The following ITPR2 variants were observed in gnomAD, a reference collection of about 807,000 sequenced individuals.
The protein encoded by ITPR2 is inositol 1,4,5-trisphosphate-gated calcium channel ITPR2.
A neutral mutation model predicts 317.1 loss-of-function variants in ITPR2; 207 were observed. That is an observed-to-expected ratio of 0.65 (90% CI 0.58 to 0.73). The LOEUF is 0.73. Ranked by LOEUF, ITPR2 falls within the 30% of genes least tolerant of loss-of-function variation. ITPR2 has a pLI of 0.00. For synonymous variants in ITPR2, 1,156 were observed against 1,149.1 expected, an observed-to-expected ratio of 1.01 and a Z score of -0.12; for missense variants, 2,613 against 3,284.0, an observed-to-expected ratio of 0.80 and a Z score of 4.99.
chr12:26,595,959 G>T (rs1045812481), intron 31 of ITPR2, among the ~76,000 whole-genome samples: 1 of 151,842 alleles, frequency 6.6e-6, no homozygotes, highest in Non-Finnish European at 1.5e-5. Flanking sequence ...CAGTAGAAAA[G>T]AAAGACATTA....
intron 46 of ITPR2, among the ~76,000 whole-genome samples, chr12:26,443,072 T>C (rs1199687057): frequency 1.3e-5 from 2 of 152,134 alleles, no homozygotes; most frequent in Non-Finnish European, 2.9e-5. Flanking sequence ...AAGTGCTGCA[T>C]ACTGAAAATG....
rs1942394224 is a variant in ITPR2, at chr12:26,475,414, T to A, written c.6224A>T (p.Asp2075Val). ...LFNMRPRELVDVMKNAYNQGL... is the reference protein window; with the variant it reads ...LFNMRPRELVVVMKNAYNQGL... ...TTGGTTATAGGCATTCTTCATCACA[T>A]CCACCTATCCAAAAAAAAAAAGAAT... The change falls in exon 45 of 57, where the codon GAT becomes GTT. Residue 2075 changes from aspartate to valine, a missense_variant. By Grantham distance (152) the Asp-to-Val change is radical (BLOSUM62 -3). Around this residue, in one of 9 missense-constraint regions of ITPR2, gnomAD observed 926 missense variants for 1,072.8 expected, o/e 0.86. Coordinates refer to ENST00000381340, the MANE Select transcript of ITPR2 (RefSeq NM_002223.4). The A allele has an allele frequency of 1.9e-6, 3 of 1,604,240 alleles. No homozygotes were observed. The highest frequency in any genetic ancestry group is 1.7e-6 in the Non-Finnish European group (2 of 1,177,260).
chr12:26,535,075 G>A (rs527490024), intron 37 of ITPR2, among the ~76,000 whole-genome samples: 6 of 152,208 alleles, frequency 3.9e-5, no homozygotes, highest in South Asian at 2.1e-4. Flanking sequence ...ATGAGGTGGT[G>A]GATATGCTGA....
intron 40 of ITPR2, 61 bp from the exon 41 acceptor site, chr12:26,486,421 A>AC: frequency 1.4e-6 from 2 of 1,380,334 alleles, no homozygotes; most frequent in South Asian, 1.4e-5. Flanking sequence ...ATTAAAAAAA[A>AC]AAAAACAAAC....
chr12:26,384,263 C>G (rs1939601709), intron 55 of ITPR2, among the ~76,000 whole-genome samples: 1 of 152,208 alleles, frequency 6.6e-6, no homozygotes, highest in Non-Finnish European at 1.5e-5. Context: ...CTTGGAGTAA[C>G]AGATTTTCTG....
In ITPR2 at chr12:26,832,916, C is replaced by A; in HGVS notation, c.-135G>T. On this transcript the variant is annotated 5_prime_UTR_variant, in exon 1 of 57. Transcript: ENST00000381340. ...CCAAGAGCCGCGGCGGAGGGCACGG[C>A]CCGAGCCACTGAGCGTCGCGGCTCA... 2.9e-6 allele frequency: 2 copies of A among 678,460 alleles called. No homozygotes were observed. Among genetic ancestry groups the A allele is most frequent in the East Asian group, 6.7e-5 (2 of 29,876 alleles). 42.0% of individuals were successfully genotyped at this position (678,460 alleles called of 1,614,324 possible). A position where few individuals can be genotyped will look rare whatever the true frequency, so the allele number is the denominator to read the frequency against.
chr12:26,443,928 C>G (rs897587671), intron 45 of ITPR2, among the ~76,000 whole-genome samples: 1 of 152,110 alleles, frequency 6.6e-6, no homozygotes, highest in African/African-American at 2.4e-5. Flanking sequence ...TTGACACTGT[C>G]TATAGTAAAT....
At chr12:26,521,639 G>GT (rs1943668853) in intron 37 of ITPR2, among the ~76,000 whole-genome samples, 1 of 152,032 alleles carries the variant, frequency 6.6e-6, no homozygotes, top group Non-Finnish European at 1.5e-5. Context: ...GACGATCTTC[G>GT]TAAAAAGAGT....
chr12:26,832,541 C>A, intron 1 of ITPR2, 149 bp downstream of exon 1: 1 of 520,858 alleles, frequency 1.9e-6, no homozygotes, highest in South Asian at 2.7e-5. Context: ...AGCGAGAGAG[C>A]GGAGCGCACG....
At chr12:26,449,626 T>C (rs1214414807) in intron 45 of ITPR2, among the ~76,000 whole-genome samples, 4 of 152,060 alleles carry the variant, frequency 2.6e-5, no homozygotes, top group Non-Finnish European at 5.9e-5. Context: ...ATGTAAGAAG[T>C]GCATCTGATA....
chr12:26,790,226 A>G lies in ITPR2; in HGVS notation c.94T>C (p.Leu32=). The change falls in exon 2 of 57, where the codon TTA becomes CTA. Residue 32 remains leucine (L), a splice_region_variant and synonymous_variant. Coordinates refer to ENST00000381340, the MANE Select transcript of ITPR2 (RefSeq NM_002223.4). ...SVNGFISTLG[L]VDDRCVVHPE... ...TGCACCACACATCTGTCATCCACTA[A>G]CCTAGAAGGAAAAGCATGTTTACAT... 1 of 1,612,712 alleles carries G rather than the reference A, an allele frequency of 6.2e-7. No individual in the cohort carries two copies. Among genetic ancestry groups the G allele is most frequent in the Non-Finnish European group, 8.5e-7 (1 of 1,178,678 alleles).
At chr12:26,770,180 T>C (rs926575226) in intron 2 of ITPR2, among the ~76,000 whole-genome samples, 2 of 152,220 alleles carry the variant, frequency 1.3e-5, no homozygotes, top group East Asian at 1.9e-4. Flanking sequence ...CCTTCCTATA[T>C]GGGTTGAGAG....
chr12:26,753,076 C>T (rs113553938), intron 2 of ITPR2, among the ~76,000 whole-genome samples: 5,261 of 152,074 alleles, frequency 0.035, 290 homozygotes, highest in African/African-American at 0.12. Flanking sequence ...AGCTGGGTAA[C>T]GAATGGGATT....
Position 26,543,708 on chromosome 12 carries a change from G to A in ITPR2, c.5073+6539C>T, listed in dbSNP as rs192477034. Among the ~76,000 whole-genome samples the A allele has an allele frequency of 1.8e-3, 266 of 151,934 alleles. 1 individual carries two copies. The highest frequency in any genetic ancestry group is 6.1e-3 in the African/African-American group (252 of 41,408). Reference sequence around the variant, plus strand: ...CACTTGAACCCAGGAGGTGGAGATCGCAGTGAGCCAAGATAGCATCACTGC... The same window carrying A: ...CACTTGAACCCAGGAGGTGGAGATCACAGTGAGCCAAGATAGCATCACTGC... On this transcript the variant is annotated intron_variant, in intron 37 of 56. Transcript: ENST00000381340.
At chr12:26,816,448 A>G (rs1219422583) in intron 1 of ITPR2, among the ~76,000 whole-genome samples, 2 of 152,232 alleles carry the variant, frequency 1.3e-5, no homozygotes, top group African/African-American at 4.8e-5. Flanking sequence ...GAGTCATCAT[A>G]TAAAACCAGG....
chr12:26,578,854 GGCAAAAAGAGAT>G, intron 33 of ITPR2, 21 bp from the exon 34 acceptor site: 1 of 1,586,672 alleles, frequency 6.3e-7, no homozygotes, highest in Non-Finnish European at 8.6e-7. Context: ...AAAGAAGGTA[GGCAAAAAGAGAT>G]GCTAAACCAT....
intron 55 of ITPR2, among the ~76,000 whole-genome samples, chr12:26,381,405 G>T (rs969852245): frequency 2.0e-5 from 3 of 152,056 alleles, no homozygotes; most frequent in African/African-American, 7.3e-5. Context: ...TTTGAGTTTC[G>T]TGGGAGAAGA....
intron 2 of ITPR2, among the ~76,000 whole-genome samples, chr12:26,746,824 G>GCA (rs1949334169): frequency 6.7e-6 from 1 of 148,760 alleles, no homozygotes; most frequent in Non-Finnish European, 1.5e-5. Flanking sequence ...GTGCATGCAT[G>GCA]TGTGTGTGTG....
rs554815381 is a variant in ITPR2 at position 26,463,469 on chromosome 12, C to A, written c.6342+11827G>T. Among the ~76,000 whole-genome samples the A allele has an allele frequency of 3.9e-5, 6 of 152,134 alleles. No individual in the cohort carries two copies. In the South Asian group the frequency reaches 1.0e-3, roughly 26 times the overall value. ...ATTATCTGAGGTCAAGAGTTTGAGA[C>A]CAGCCTGACAAACATGGAGAAACCC... On this transcript the variant is annotated intron_variant, in intron 45 of 56. Coordinates refer to ENST00000381340, the MANE Select transcript of ITPR2 (RefSeq NM_002223.4).
Sources: gnomAD v4.1 joint callset for allele counts (sites outside exome capture counted in the v4.1 genomes callset) on GRCh38, gnomAD v4.1.1 for gene constraint, gnomAD v4.1.1 regional missense constraint, MANE v1.5 for transcripts, NCBI Gene and HGNC (gene_info 2026-07-23, HGNC 2026-07-21) for gene names.